The following PCSK9 variants were observed in gnomAD, a reference collection of about 807,000 sequenced individuals.
The protein encoded by PCSK9 is convertase subtilisin/kexin type 9 preproprotein.
PCSK9 carries 57 observed loss-of-function variants against 62.1 expected under a neutral mutation model. The observed-to-expected ratio is 0.92, with a 90% CI of 0.74 to 1.14. The LOEUF (loss-of-function observed/expected upper bound fraction) is 1.14, where lower values mean the gene tolerates loss of function less well. PCSK9 is among the 50% of genes most tolerant of loss of function. PCSK9 has a pLI of 0.00. For synonymous variants in PCSK9, 387 were observed against 409.4 expected (o/e 0.95, Z 0.66); for missense variants, 870 against 959.8 (o/e 0.91, Z 1.24).
In PCSK9 at chr1:55,057,445, G is replaced by T. The variant is rs1179427266; in HGVS notation, c.1111G>T (p.Ala371Ser). The change falls in exon 7 of 12, where the codon GCC (alanine) becomes TCC (serine). Residue 371 changes from alanine to serine, a missense_variant. By Grantham distance (99) the Ala-to-Ser change is moderately conservative. Coordinates refer to ENST00000302118, the MANE Select transcript of PCSK9 (RefSeq NM_174936.4). ...LFAPGEDIIG[A>S]SSDCSTCFVS... ...TGCCCCAGGGGAGGACATCATTGGT[G>T]CCTCCAGCGACTGCAGCACCTGCTT... The T allele has an allele frequency of 6.2e-7, 1 of 1,614,108 alleles. No homozygotes were observed. The highest frequency in any genetic ancestry group is 8.5e-7 in the Non-Finnish European group (1 of 1,180,030).
Position 55,056,051 on chromosome 1 carries a change from G to A in PCSK9, c.858G>A (p.Leu286=), listed in dbSNP as rs1557505510. 1 of 1,607,944 alleles carries A rather than the reference G, an allele frequency of 6.2e-7. No individual in the cohort carries two copies. Among genetic ancestry groups the A allele is most frequent in the Non-Finnish European group, 8.5e-7 (1 of 1,176,324 alleles). Residue 286 remains leucine, a synonymous_variant, in exon 6 of 12, where the codon CTG becomes CTA. Coordinates refer to ENST00000302118, the MANE Select transcript of PCSK9 (RefSeq NM_174936.4). ...LVQPVGPLVV[L]LPLAGGYSRV... is the part of the protein sequence containing the mutation. ...AGCCTGTGGGGCCACTGGTGGTGCT[G>A]CTGCCCCTGGCGGGTGGGTACAGCC... is the stretch of plus-strand genomic sequence containing the variant.
rs1354350207 is a variant in PCSK9 at position 55,064,202 on chromosome 1, A to C, written c.*618A>C. Reference sequence around the variant, plus strand: ...TGCCTTGGTTTCCTGAGCCACCTTTACTCTGCTCTATGCCAGGCTGTGCTA... The same window carrying C: ...TGCCTTGGTTTCCTGAGCCACCTTTCCTCTGCTCTATGCCAGGCTGTGCTA... On this transcript the variant is annotated 3_prime_UTR_variant, in exon 12 of 12. Transcript: ENST00000302118. The C allele has an allele frequency of 6.5e-6, 1 of 154,550 alleles. No homozygotes were observed. The highest frequency in any genetic ancestry group is 1.4e-5 in the Non-Finnish European group (1 of 69,764). 9.6% of individuals were successfully genotyped at this position (154,550 alleles called of 1,614,324 possible).
At chr1:55,048,459 TC>T (rs1244712349) in intron 3 of PCSK9, among the ~76,000 whole-genome samples, 1 of 152,242 alleles carries the variant, frequency 6.6e-6, no homozygotes, top group Non-Finnish European at 1.5e-5. Flanking sequence ...TGGGGCCCTT[TC>T]TTCCCCATAG....
At position 55,046,552 on chromosome 1, in the gene PCSK9, C is replaced by T. The variant is rs368511429; in HGVS notation, c.429C>T (p.Ile143=). The T allele has an allele frequency of 2.5e-5, 40 of 1,614,020 alleles. No homozygotes were observed. The highest frequency in any genetic ancestry group is 1.5e-4 in the Admixed American group (9 of 60,006). ...TGAAGTTGCCCCATGTCGACTACAT[C>T]GAGGAGGACTCCTCTGTCTTTGCCC... ...LALKLPHVDY[I]EEDSSVFAQS... The change falls in exon 3 of 12, where the codon ATC becomes ATT. Residue 143 remains isoleucine, a synonymous_variant. Coordinates refer to ENST00000302118, the MANE Select transcript of PCSK9 (RefSeq NM_174936.4).
chr1:55,055,911 C>A, intron 5 of PCSK9, 82 bp from the exon 6 acceptor site: 1 of 1,340,600 alleles, frequency 7.5e-7, no homozygotes. Flanking sequence ...CAAAATTAAC[C>A]ATCACTCTGT....
chr1:55,047,300 G>C (rs1333355063), intron 3 of PCSK9, among the ~76,000 whole-genome samples: 1 of 152,208 alleles, frequency 6.6e-6, no homozygotes, highest in African/African-American at 2.4e-5. Flanking sequence ...CTGGCCTGAG[G>C]AGAGAATGAA....
chr1:55,063,165 C>T (rs1030658375), intron 11 of PCSK9, among the ~76,000 whole-genome samples: 2 of 151,890 alleles, frequency 1.3e-5, no homozygotes, highest in Non-Finnish European at 1.5e-5. Context: ...CAGGAGCTCA[C>T]GTGTTTGGTC....
rs1570307813 is a variant in PCSK9 at position 55,058,662 on chromosome 1, C to G, written c.1503+15C>G. On this transcript the variant is annotated intron_variant, in intron 9 of 11. Coordinates refer to ENST00000302118, the MANE Select transcript of PCSK9 (RefSeq NM_174936.4). The stretch of plus-strand genomic sequence containing the variant: ...AGCGCATGGAGGTGACTGTACCCCT[C>G]CTTCGTGTGTGTGTGTGTGTGTGTG... 1 of 1,590,684 alleles carries G rather than the reference C, an allele frequency of 6.3e-7. No individual in the cohort carries two copies. The highest frequency in any genetic ancestry group is 2.3e-5 in the East Asian group (1 of 43,440).
intron 2 of PCSK9, among the ~76,000 whole-genome samples, chr1:55,044,895 C>T (rs994495980): frequency 2.0e-5 from 3 of 152,134 alleles, no homozygotes; most frequent in Non-Finnish European, 2.9e-5. Context: ...AGGCCTGTGG[C>T]GCCATGACAG....
chr1:55,050,728 C>T (rs998159849), intron 3 of PCSK9, among the ~76,000 whole-genome samples: 3 of 152,148 alleles, frequency 2.0e-5, no homozygotes, highest in Non-Finnish European at 4.4e-5. Flanking sequence ...TGGGGGCCGA[C>T]CTTGCCTGAA....
At chr1:55,048,752 T>C (rs1172724878) in intron 3 of PCSK9, among the ~76,000 whole-genome samples, 1 of 152,244 alleles carries the variant, frequency 6.6e-6, no homozygotes, top group Non-Finnish European at 1.5e-5. Context: ...TCACTCACCC[T>C]CTCTGATCTT....
chr1:55,054,587 A>G (rs2100305576), intron 5 of PCSK9, among the ~76,000 whole-genome samples: 1 of 152,232 alleles, frequency 6.6e-6, no homozygotes, highest in South Asian at 2.1e-4. Context: ...GAAGGCTCCC[A>G]CACCTCATTT....
chr1:55,061,591 C>T (rs916052357), intron 11 of PCSK9, 35 bp downstream of exon 11: 16 of 1,559,128 alleles, frequency 1.0e-5, no homozygotes, highest in African/African-American at 1.4e-5. Flanking sequence ...GGGTGGGGTG[C>T]TGCGTGTCTC....
Position 55,039,947 on chromosome 1 carries a change from A to G in PCSK9, c.110A>G (p.Asp37Gly). The part of the protein sequence containing the change: ...GARAQEDEDG[D>G]YEELVLALRS... ...CGTGCGCAGGAGGACGAGGACGGCG[A>G]CTACGAGGAGCTGGTGCTAGCCTTG... The change falls in exon 1 of 12, where the codon GAC becomes GGC. Residue 37 changes from aspartate to glycine, a missense_variant. Coordinates refer to ENST00000302118, the MANE Select transcript of PCSK9 (RefSeq NM_174936.4). 6.3e-7 allele frequency: 1 copy of G among 1,575,062 alleles called. No homozygotes were observed. The highest frequency in any genetic ancestry group is 8.6e-7 in the Non-Finnish European group (1 of 1,161,434).
Position 55,057,314 on chromosome 1 carries a change from C to A in PCSK9, c.997-17C>A, listed in dbSNP as rs767758484. 2 of 1,612,070 alleles carry A rather than the reference C, an allele frequency of 1.2e-6. No individual in the cohort carries two copies. The highest frequency in any genetic ancestry group is 2.2e-5 in the South Asian group (2 of 91,040). On this transcript the variant is annotated splice_polypyrimidine_tract_variant and intron_variant, in intron 6 of 11. Coordinates refer to ENST00000302118, the MANE Select transcript of PCSK9 (RefSeq NM_174936.4). ...CTTGGGCTCCTTTCTCTGCCACCCA[C>A]CTCCTCACCTTTCCAGGTCATCACA...
chr1:55,061,577 GGGTGGGTGGGGTGCTGCGTGTCTCT>G, intron 11 of PCSK9, 21 bp downstream of exon 11: 1 of 1,570,492 alleles, frequency 6.4e-7, no homozygotes, highest in Non-Finnish European at 8.6e-7. Context: ...CCGTGAGGCC[GGGTGGGTGGGGTGCTGCGTGTCTCT>G]CCTGCACAGC....
rs1293694184 is a variant in PCSK9, at chr1:55,064,019, A to T, written c.*435A>T. ...GGGGCGGTAGGGGCTGCAGGGACAA[A>T]CATCGTTGGGGGGTGAGTGTGAAAG... On this transcript the variant is annotated 3_prime_UTR_variant, in exon 12 of 12. Coordinates refer to ENST00000302118, the MANE Select transcript of PCSK9 (RefSeq NM_174936.4). The T allele has an allele frequency of 5.5e-6, 1 of 181,568 alleles. No homozygotes were observed. Among genetic ancestry groups the T allele is most frequent in the Non-Finnish European group, 1.2e-5 (1 of 86,562 alleles). 11.2% of individuals were successfully genotyped at this position (181,568 alleles called of 1,614,324 possible).
chr1:55,047,817 AG>A (rs763608489), intron 3 of PCSK9, among the ~76,000 whole-genome samples: 7 of 152,192 alleles, frequency 4.6e-5, no homozygotes, highest in Non-Finnish European at 8.8e-5. Context: ...GCCTGTGGCC[AG>A]GGAGAGGACA....
At chr1:55,051,615 C>T (rs1644674598) in intron 3 of PCSK9, 1 of 227,436 alleles carries the variant, frequency 4.4e-6, no homozygotes, top group Admixed American at 5.3e-5. Flanking sequence ...ACCCCAGTGC[C>T]TGCTTCTTGG....
Sources: allele counts gnomAD v4.1 joint callset (sites outside exome capture counted in the v4.1 genomes callset), GRCh38; gene constraint gnomAD v4.1.1; transcripts MANE v1.5; gene names NCBI Gene and HGNC (gene_info 2026-07-23, HGNC 2026-07-21).